Variants in PREB observed in about 807,000 individuals in gnomAD.
The protein encoded by PREB is prolactin regulatory element binding, also known as guanine nucleotide-exchange factor SEC12.
In PREB, 29 loss-of-function variants were observed where a neutral mutation model predicts 46.7. The observed-to-expected ratio is 0.62, with a 90% CI of 0.46 to 0.85. The LOEUF is 0.85. PREB is among the 40% of genes least tolerant of loss of function. The probability of loss-of-function intolerance (pLI) is 0.00; values close to 1 mark genes in which losing one functional copy is unlikely to be tolerated. For missense variants in PREB, 494 were observed against 528.4 expected (o/e 0.93, Z 0.64); for synonymous variants, 224 against 220.1 (o/e 1.02, Z -0.16).
In PREB at chr2:27,134,299, T is replaced by C; in HGVS notation, c.123A>G (p.Ile41Met). Reference sequence around the variant, plus strand: ...CCTGCGCTCTCACCACGCCATTCTTTATGCCTGTCTTGGCGGCGCCTCCTC... The same window carrying C: ...CCTGCGCTCTCACCACGCCATTCTTCATGCCTGTCTTGGCGGCGCCTCCTC... The part of the protein sequence containing the change: ...AGGGGAAKTG[I>M]KNGVHFLQLE... The change falls in exon 1 of 9, where the codon ATA (isoleucine) becomes ATG (methionine). Residue 41 changes from isoleucine (I) to methionine (M), a missense_variant. Physicochemically the swap from Ile to Met is conservative, Grantham distance 10. Coordinates refer to ENST00000260643, the MANE Select transcript of PREB (RefSeq NM_013388.6). 6.2e-7 allele frequency: 1 copy of C among 1,609,102 alleles called. No individual in the cohort carries two copies.
At position 27,131,657 on chromosome 2, in the gene PREB, G is replaced by GC. The variant is rs1292747813; in HGVS notation, c.1159+14dup. ...ACGTGGGGTGGTGCCTGCCTGCCCT[G>GC]CCCCAATGACTCACGCCGTGAGGGC... On this transcript the variant is annotated intron_variant, in intron 8 of 8. Coordinates refer to ENST00000260643, the MANE Select transcript of PREB (RefSeq NM_013388.6). 1.2e-6 allele frequency: 2 copies of GC among 1,613,202 alleles called. No individual in the cohort carries two copies. Among genetic ancestry groups the GC allele is most frequent in the Non-Finnish European group, 1.7e-6 (2 of 1,179,500 alleles).
Position 27,132,363 on chromosome 2 carries a change from A to G in PREB, c.793T>C (p.Phe265Leu). ...CGCTTGTGGGGAATTTGCACTGTGA[A>G]GAGTCGCAGGCCAGCAGGCTGGTCT... ...VPDQPAGLRL[F>L]TVQIPHKRLR... Residue 265 changes from phenylalanine (F) to leucine (L), a missense_variant, in exon 6 of 9, where the codon TTC becomes CTC. Transcript: ENST00000260643. The surrounding 1 kb of genome is among the most constrained non-coding windows in gnomAD (Gnocchi z 4.0). 6.2e-7 allele frequency: 1 copy of G among 1,613,490 alleles called. No homozygotes were observed. Among genetic ancestry groups the G allele is most frequent in the Non-Finnish European group, 8.5e-7 (1 of 1,179,966 alleles).
At position 27,133,242 on chromosome 2, in the gene PREB, C is replaced by T. The variant is rs759115126; in HGVS notation, c.421G>A (p.Val141Ile). The T allele has an allele frequency of 1.9e-6, 3 of 1,614,218 alleles. No homozygotes were observed. The highest frequency in any genetic ancestry group is 2.2e-5 in the South Asian group (2 of 91,080). ...GTCTGCACCGCCTGCAAATTCTCTA[C>T]CCTGAGTTCTAGCCCCTCGTGCTGG... ...ETQHEGLELR[V>I]ENLQAVQTDF... Residue 141 changes from valine to isoleucine, a missense_variant, in exon 3 of 9, where the codon GTA becomes ATA. Val to Ile is a conservative substitution (Grantham distance 29, BLOSUM62 3). Transcript: ENST00000260643.
Position 27,134,402 on chromosome 2 carries a change from GGCGCCCGGCGCCGGCCCATC to G in PREB, c.-1_19del. On this transcript the variant is annotated start_lost and 5_prime_UTR_variant, in exon 1 of 9. Transcript: ENST00000260643. ...CGGGAACGGAGCCCGGTACAGCTCT[GGCGCCCGGCGCCGGCCCATC>G]CCGCCCGGCGCGCGTTCACTGCCCG... 6.3e-7 allele frequency: 1 copy of G among 1,593,914 alleles called. No homozygotes were observed. Among genetic ancestry groups the G allele is most frequent in the Non-Finnish European group, 8.5e-7 (1 of 1,173,108 alleles).
At chr2:27,134,160 C>G in intron 1 of PREB, 127 bp downstream of exon 1, 1 of 1,254,746 alleles carries the variant, frequency 8.0e-7, no homozygotes, top group Non-Finnish European at 1.1e-6. Context: ...GTCAGGCAAG[C>G]GGGTCTTCCC....
chr2:27,132,734 A>G lies in PREB; in HGVS notation c.628-7T>C. 1 of 1,614,176 alleles carries G rather than the reference A, an allele frequency of 6.2e-7. No individual in the cohort carries two copies. The highest frequency in any genetic ancestry group is 8.5e-7 in the Non-Finnish European group (1 of 1,180,008). On this transcript the variant is annotated splice_region_variant and splice_polypyrimidine_tract_variant and intron_variant, in intron 4 of 8. Coordinates refer to ENST00000260643, the MANE Select transcript of PREB (RefSeq NM_013388.6). This position sits in a 1 kb window ranked among gnomAD's most constrained non-coding sequence, Gnocchi z 4.0. ...CCCGGCCCACGGTTACCAACTAGTT[A>G]GGAATAAAGATTCCAAGGATGGACA...
Position 27,132,553 on chromosome 2 carries a change from C to G in PREB, c.752+50G>C, listed in dbSNP as rs766810199. 1.9e-6 allele frequency: 3 copies of G among 1,610,814 alleles called. No homozygotes were observed. In the South Asian group the frequency reaches 3.3e-5, roughly 18 times the overall value. On this transcript the variant is annotated intron_variant, in intron 5 of 8. Transcript: ENST00000260643. This position sits in a 1 kb window ranked among gnomAD's most constrained non-coding sequence, Gnocchi z 4.0. ...CATCCCCAGTCTTTTCCCTCTCCCC[C>G]ACCACAGCTGGGCTATGCCTCTTTC...
chr2:27,133,757 G>A (rs1387967743), intron 1 of PREB, 36 bp from the exon 2 acceptor site: 1 of 1,599,688 alleles, frequency 6.3e-7, no homozygotes, highest in Admixed American at 1.7e-5. Flanking sequence ...CAAGTTCAGG[G>A]GTGCCCAGAG....
chr2:27,131,475 C>T lies in PREB; in HGVS notation c.1193G>A (p.Cys398Tyr), dbSNP rs1359266069. 2 of 1,580,692 alleles carry T rather than the reference C, an allele frequency of 1.3e-6. No individual in the cohort carries two copies. The highest frequency in any genetic ancestry group is 1.4e-5 in the African/African-American group (1 of 73,952). The change falls in exon 9 of 9, where the codon TGT (cysteine) becomes TAT (tyrosine). Residue 398 changes from cysteine to tyrosine, a missense_variant. Coordinates refer to ENST00000260643, the MANE Select transcript of PREB (RefSeq NM_013388.6). ...GATGGTCACAATAATAAGCCCGACA[C>T]ACAGCAGGAGCAGGAGCCACACAGG... ...SVPVWLLLLL[C>Y]VGLIIVTILL... is the part of the protein sequence containing the mutation.
At chr2:27,131,880 C>G in intron 7 of PREB, 49 bp from the exon 8 acceptor site, 3 of 1,603,550 alleles carry the variant, frequency 1.9e-6, no homozygotes, top group East Asian at 2.2e-5. Context: ...TGGGAACTCT[C>G]TTTCTGGAAA....
chr2:27,133,053 A>G, intron 3 of PREB, 64 bp downstream of exon 3: 1 of 1,593,878 alleles, frequency 6.3e-7, no homozygotes, highest in South Asian at 1.1e-5. Flanking sequence ...GCCACGTTCA[A>G]CTTCTCACAA....
chr2:27,133,414 C>T, intron 2 of PREB, 77 bp from the exon 3 acceptor site: 2 of 1,595,060 alleles, frequency 1.3e-6, no homozygotes, highest in Non-Finnish European at 1.7e-6. Flanking sequence ...GGCAGGTGCC[C>T]ATACAACTTC....
chr2:27,132,184 C>T lies in PREB; in HGVS notation c.926+46G>A, dbSNP rs1672306139. On this transcript the variant is annotated intron_variant, in intron 6 of 8. Coordinates refer to ENST00000260643, the MANE Select transcript of PREB (RefSeq NM_013388.6). The surrounding 1 kb of genome is among the most constrained non-coding windows in gnomAD (Gnocchi z 4.0). ...GACCCAGGCAGGACTCCTTTCCAAG[C>T]TCCCTCAGGGACCCCCTACCTAGCC... 1 of 1,612,416 alleles carries T rather than the reference C, an allele frequency of 6.2e-7. No individual in the cohort carries two copies. The highest frequency in any genetic ancestry group is 1.3e-5 in the African/African-American group (1 of 74,906).
At position 27,133,163 on chromosome 2, in the gene PREB, G is replaced by A. The variant is rs758910789; in HGVS notation, c.500C>T (p.Thr167Ile). The A allele has an allele frequency of 2.5e-6, 4 of 1,614,232 alleles. No homozygotes were observed. Among genetic ancestry groups the A allele is most frequent in the Middle Eastern group, 1.6e-4 (1 of 6,062 alleles). ...ATCTGTTCCTCCAGTGGCAAGCAGG[G>A]TATTATCGTGGTTGAAGCACACAAC... ...QKVVCFNHDN[T>I]LLATGGTDGY... The change falls in exon 3 of 9, where the codon ACC (threonine) becomes ATC (isoleucine). Residue 167 changes from threonine (T) to isoleucine (I), a missense_variant. Physicochemically the swap from Thr to Ile is moderately conservative, Grantham distance 89. Transcript: ENST00000260643.
Position 27,131,386 on chromosome 2 carries a change from G to A in PREB, c.*28C>T, listed in dbSNP as rs544222074. ...TCTGCTCTAGAGATGGCAGTGTCCA[G>A]GCTCCTGATTCCCAGGAAGCAGGGA... On this transcript the variant is annotated 3_prime_UTR_variant, in exon 9 of 9. Transcript: ENST00000260643. The A allele has an allele frequency of 2.2e-5, 33 of 1,520,584 alleles. No homozygotes were observed. In the African/African-American group the frequency reaches 4.3e-4, roughly 20 times the overall value. The allele number at this position is 1,520,584 out of a possible 1,614,324, so 94.2% of individuals were successfully genotyped here. A position where few individuals can be genotyped will look rare whatever the true frequency, so the allele number is the denominator to read the frequency against.
chr2:27,132,610 C>A lies in PREB; in HGVS notation c.745G>T (p.Ala249Ser). The A allele has an allele frequency of 6.2e-7, 1 of 1,614,126 alleles. No individual in the cohort carries two copies. Among genetic ancestry groups the A allele is most frequent in the Non-Finnish European group, 8.5e-7 (1 of 1,180,026 alleles). ...TFSSTPYRYQ[A>S]CRFGQVPDQP... ...CACCCAAAGTCTTCACACCTGCAGGCCTGGTAGCGGTAAGGTGTGCTGGAA... is the reference window on the plus strand; with the variant it reads ...CACCCAAAGTCTTCACACCTGCAGGACTGGTAGCGGTAAGGTGTGCTGGAA... Residue 249 changes from alanine (A) to serine (S), a missense_variant, in exon 5 of 9, where the codon GCC becomes TCC. Coordinates refer to ENST00000260643, the MANE Select transcript of PREB (RefSeq NM_013388.6). The surrounding 1 kb of genome is among the most constrained non-coding windows in gnomAD (Gnocchi z 4.0).
Position 27,134,603 on chromosome 2 carries a change from G to A in PREB, c.-182C>T, listed in dbSNP as rs918165363. On this transcript the variant is annotated 5_prime_UTR_variant, in exon 1 of 9. Transcript: ENST00000260643. ...TCAGCAGGAAGCCGAGCCTCAGCTCGGCTCCGTCCAAGTCGGTCTCGCAGA... is the reference window on the plus strand; with the variant it reads ...TCAGCAGGAAGCCGAGCCTCAGCTCAGCTCCGTCCAAGTCGGTCTCGCAGA... The A allele has an allele frequency of 1.5e-5, 20 of 1,335,764 alleles. No homozygotes were observed. The highest frequency in any genetic ancestry group is 1.7e-5 in the Non-Finnish European group (18 of 1,048,790). 82.7% of individuals were successfully genotyped at this position (1,335,764 alleles called of 1,614,324 possible). A position where few individuals can be genotyped will look rare whatever the true frequency, so the allele number is the denominator to read the frequency against.
At position 27,131,450 on chromosome 2, in the gene PREB, G is replaced by C. The variant is rs748279703; in HGVS notation, c.1218C>G (p.Ile406Met). 4 of 1,568,608 alleles carry C rather than the reference G, an allele frequency of 2.6e-6. No homozygotes were observed. Among genetic ancestry groups the C allele is most frequent in the East Asian group, 2.4e-5 (1 of 42,030 alleles). ...CTGGAAAGGCACTCTGGAGCAGCAG[G>C]ATGGTCACAATAATAAGCCCGACAC... ...LLCVGLIIVT[I>M]LLLQSAFPGF... Residue 406 changes from isoleucine (I) to methionine (M), a missense_variant, in exon 9 of 9, where the codon ATC (isoleucine) becomes ATG (methionine). Ile to Met is a conservative substitution (Grantham distance 10). Transcript: ENST00000260643.
rs1672305496 is a variant in PREB, at chr2:27,132,163, C to T, written c.926+67G>A. On this transcript the variant is annotated intron_variant, in intron 6 of 8. Coordinates refer to ENST00000260643, the MANE Select transcript of PREB (RefSeq NM_013388.6). This position sits in a 1 kb window ranked among gnomAD's most constrained non-coding sequence, Gnocchi z 4.0. Reference sequence around the variant, plus strand: ...ACCCCAATACCGGTCCGTAGGGACCCAGGCAGGACTCCTTTCCAAGCTCCC... The same window carrying T: ...ACCCCAATACCGGTCCGTAGGGACCTAGGCAGGACTCCTTTCCAAGCTCCC... The T allele has an allele frequency of 6.2e-7, 1 of 1,609,146 alleles. No homozygotes were observed. Among genetic ancestry groups the T allele is most frequent in the Admixed American group, 1.7e-5 (1 of 59,994 alleles).
Sources: gnomAD v4.1 joint callset for allele counts on GRCh38, gnomAD v4.1.1 for gene constraint, Gnocchi (gnomAD v3.1) non-coding constraint, MANE v1.5 for transcripts, NCBI Gene and HGNC (gene_info 2026-07-23, HGNC 2026-07-21) for gene names.